UCP1: variants seen among roughly 807,000 people sequenced by gnomAD.
UCP1 encodes uncoupling protein 1.
Under a neutral mutation model 26.2 loss-of-function variants are expected in UCP1, and 24 were observed. The observed-to-expected ratio is 0.92, with a 90% CI of 0.66 to 1.29. The LOEUF is 1.29. Ranked by LOEUF, UCP1 falls within the 50% of genes most tolerant of loss-of-function variation. The pLI, the probability that UCP1 is intolerant of heterozygous loss-of-function variation, is 0.00. For synonymous variants in UCP1, 164 were observed against 156.8 expected (o/e 1.05, Z -0.34); for missense variants, 402 against 388.7 (o/e 1.03, Z -0.29).
chr4:140,561,466 C>G (rs1398089055), intron 5 of UCP1, among the ~76,000 whole-genome samples: 2 of 152,104 alleles, frequency 1.3e-5, no homozygotes, highest in African/African-American at 4.8e-5. Flanking sequence ...GATCCTCTTG[C>G]CTCAGCTTCC....
At chr4:140,562,978 G>T (rs1735711285) in intron 4 of UCP1, 132 bp downstream of exon 4, 1 of 790,298 alleles carries the variant, frequency 1.3e-6, no homozygotes, top group Non-Finnish European at 2.1e-6. Flanking sequence ...AGTTATATAT[G>T]GTTCAAAATT....
rs1263020137 is a variant in UCP1, at chr4:140,563,496, C to A, written c.348G>T (p.Lys116Asn). The change falls in exon 3 of 6, where the codon AAG (lysine) becomes AAT (asparagine). Residue 116 changes from lysine (K) to asparagine (N), a missense_variant. Transcript: ENST00000262999. ...GKETAPSLGS[K>N]ILAGLTTGGV... ...CTCCAGTCGTTAGACCAGCTAAAAT[C>A]TTGCTTCCTAAACTAGGTGCTGCTA... 1 of 1,613,968 alleles carries A rather than the reference C, an allele frequency of 6.2e-7. No homozygotes were observed. Among genetic ancestry groups the A allele is most frequent in the Admixed American group, 1.7e-5 (1 of 59,980 alleles).
intron 1 of UCP1, 70 bp downstream of exon 1, chr4:140,568,534 A>C: frequency 2.5e-6 from 4 of 1,605,008 alleles, no homozygotes; most frequent in Non-Finnish European, 3.4e-6. Context: ...AAAGCAGAGA[A>C]TAAATGGAAT....
Position 140,568,797 on chromosome 4 carries a change from C to G in UCP1, c.-68G>C. 3 of 1,538,476 alleles carry G rather than the reference C, an allele frequency of 1.9e-6. No homozygotes were observed. The highest frequency in any genetic ancestry group is 2.6e-6 in the Non-Finnish European group (3 of 1,147,200). On this transcript the variant is annotated 5_prime_UTR_variant, in exon 1 of 6. Coordinates refer to ENST00000262999, the MANE Select transcript of UCP1 (RefSeq NM_021833.5). ...CCCGAAGGTGGAGGAAGTTCCTTTCCCTTGCTCTTCACGCCTGTCCGCCGG... is the reference window on the plus strand; with the variant it reads ...CCCGAAGGTGGAGGAAGTTCCTTTCGCTTGCTCTTCACGCCTGTCCGCCGG...
At chr4:140,567,661 A>T in intron 2 of UCP1, 118 bp downstream of exon 2, 1 of 1,339,380 alleles carries the variant, frequency 7.5e-7, no homozygotes, top group Non-Finnish European at 1.1e-6. Flanking sequence ...GGGAGAGTTC[A>T]AATATGAATG....
At position 140,564,190 on chromosome 4, in the gene UCP1, A is replaced by G. The variant is rs1298497763; in HGVS notation, c.326-672T>C. On this transcript the variant is annotated intron_variant, in intron 2 of 5. Coordinates refer to ENST00000262999, the MANE Select transcript of UCP1 (RefSeq NM_021833.5). ...ACCAATGAGGCTTGATCTTTCTCCC[A>G]CGAATGATCATGTTAATTATGGGAC... 2.6e-5 allele frequency among the ~76,000 whole-genome samples: 4 copies of G among 152,208 alleles called. No individual in the cohort carries two copies. The South Asian group carries it at 8.3e-4, about 32-fold the overall frequency.
intron 2 of UCP1, among the ~76,000 whole-genome samples, chr4:140,567,089 A>G (rs1327438982): frequency 6.6e-6 from 1 of 152,232 alleles, no homozygotes; most frequent in Non-Finnish European, 1.5e-5. Flanking sequence ...TGTCTGGTTC[A>G]TAGTTAAGCC....
Position 140,559,961 on chromosome 4 carries a change from C to T in UCP1, c.859G>A (p.Val287Met). ...RLGSWNVIMFVCFEQLKRELS... is the reference protein window; with the variant it reads ...RLGSWNVIMFMCFEQLKRELS... ...TCTCGTTTCAGTTGTTCAAAGCACA[C>T]AAACATAATGACGTTCCAGGATCCA... is the stretch of plus-strand genomic sequence containing the variant. Residue 287 changes from valine to methionine, a missense_variant, in exon 6 of 6, where the codon GTG becomes ATG. Transcript: ENST00000262999. 1 of 1,614,008 alleles carries T rather than the reference C, an allele frequency of 6.2e-7. No homozygotes were observed. Among genetic ancestry groups the T allele is most frequent in the Non-Finnish European group, 8.5e-7 (1 of 1,179,984 alleles).
intron 2 of UCP1, among the ~76,000 whole-genome samples, chr4:140,565,890 T>G (rs987243781): frequency 6.6e-6 from 1 of 151,592 alleles, no homozygotes; most frequent in African/African-American, 2.4e-5. Context: ...CCCGTAAGAT[T>G]AGAACAGAGC....
Position 140,563,136 on chromosome 4 carries a change from G to C in UCP1, c.602C>G (p.Ala201Gly). The C allele has an allele frequency of 2.5e-6, 4 of 1,613,566 alleles. No individual in the cohort carries two copies. The highest frequency in any genetic ancestry group is 3.4e-6 in the Non-Finnish European group (4 of 1,179,874). The change falls in exon 4 of 6, where the codon GCC becomes GGC. Residue 201 changes from alanine (A) to glycine (G), a missense_variant. By Grantham distance (60) the Ala-to-Gly change is moderately conservative. Transcript: ENST00000262999. ...TGCTAATATGTTGTTTTTCACAAAG[G>C]CCTCCTTCATTAGATCATATGTTAC... is the stretch of plus-strand genomic sequence containing the variant. ...ELVTYDLMKE[A>G]FVKNNILADD...
At chr4:140,566,605 A>G (rs1735804737) in intron 2 of UCP1, among the ~76,000 whole-genome samples, 2 of 152,242 alleles carry the variant, frequency 1.3e-5, no homozygotes, top group Non-Finnish European at 2.9e-5. Context: ...ATATTTGTAT[A>G]GACAACATTT....
At chr4:140,564,814 A>G (rs1469924900) in intron 2 of UCP1, among the ~76,000 whole-genome samples, 1 of 152,128 alleles carries the variant, frequency 6.6e-6, no homozygotes, top group African/African-American at 2.4e-5. Context: ...CCAACTTTCA[A>G]ATCCCTCTCT....
chr4:140,563,422 A>G lies in UCP1; in HGVS notation c.422T>C (p.Leu141Pro), dbSNP rs770868218. 1 of 1,614,098 alleles carries G rather than the reference A, an allele frequency of 6.2e-7. No homozygotes were observed. The highest frequency in any genetic ancestry group is 8.5e-7 in the Non-Finnish European group (1 of 1,180,024). The change falls in exon 3 of 6, where the codon CTT (leucine) becomes CCT (proline). Residue 141 changes from leucine (L) to proline (P), a missense_variant. Coordinates refer to ENST00000262999, the MANE Select transcript of UCP1 (RefSeq NM_021833.5). ...GQPTEVVKVR[L>P]QAQSHLHGIK... ...TCCGTGGAGATGGCTCTGTGCTTGA[A>G]GTCTGACTTTCACGACCTCTGTGGG... is the stretch of plus-strand genomic sequence containing the variant.
chr4:140,563,003 A>AAG, intron 4 of UCP1, 107 bp downstream of exon 4: 1 of 926,532 alleles, frequency 1.1e-6, no homozygotes, highest in Non-Finnish European at 1.7e-6. Context: ...AATTTTTAAA[A>AAG]AGAGAAAACT....
At chr4:140,567,248 C>A (rs953377196) in intron 2 of UCP1, among the ~76,000 whole-genome samples, 1 of 152,198 alleles carries the variant, frequency 6.6e-6, no homozygotes, top group Non-Finnish European at 1.5e-5. Flanking sequence ...TGATGAGGAA[C>A]CTCTTAAGAG....
chr4:140,561,545 G>A (rs1307056001), intron 5 of UCP1, among the ~76,000 whole-genome samples: 2 of 152,034 alleles, frequency 1.3e-5, no homozygotes, highest in Non-Finnish European at 2.9e-5. Flanking sequence ...TTGAGACAGG[G>A]TCTCGCTTTG....
rs1225661223 is a variant in UCP1, at chr4:140,567,835, G to C, written c.269C>G (p.Ser90Cys). The change falls in exon 2 of 6, where the codon TCT becomes TGT. Residue 90 changes from serine (S) to cysteine (C), a missense_variant. Coordinates refer to ENST00000262999, the MANE Select transcript of UCP1 (RefSeq NM_021833.5). ...CGTGTCGTAGAGGCCGATCCTGAGA[G>C]AGGCGGAGCTGATTTGCCGCTGAAG... ...AGLQRQISSA[S>C]LRIGLYDTVQ... The C allele has an allele frequency of 6.2e-7, 1 of 1,614,168 alleles. No homozygotes were observed. Among genetic ancestry groups the C allele is most frequent in the Non-Finnish European group, 8.5e-7 (1 of 1,180,032 alleles).
chr4:140,562,487 T>C (rs965309652), intron 4 of UCP1, 114 bp from the exon 5 acceptor site: 14 of 1,039,430 alleles, frequency 1.3e-5, no homozygotes, highest in Non-Finnish European at 1.8e-5. Context: ...AGATGTCTTA[T>C]AAATAAATAA....
chr4:140,568,544 T>A, intron 1 of UCP1, 60 bp downstream of exon 1: 1 of 1,609,732 alleles, frequency 6.2e-7, no homozygotes, highest in African/African-American at 1.3e-5. Flanking sequence ...ATAAATGGAA[T>A]GCACGCAACA....
Sources: gnomAD v4.1 joint callset for allele counts (sites outside exome capture counted in the v4.1 genomes callset) on GRCh38, gnomAD v4.1.1 for gene constraint, MANE v1.5 for transcripts, NCBI Gene and HGNC (gene_info 2026-07-23, HGNC 2026-07-21) for gene names.